Variants in NOS1AP observed in about 807,000 individuals in gnomAD.
NOS1AP encodes carboxyl-terminal PDZ ligand of neuronal nitric oxide synthase protein.
NOS1AP carries 21 observed loss-of-function variants against 56.2 expected under a neutral mutation model. The ratio of observed to expected loss-of-function variants is 0.37; its 90% CI spans 0.26 to 0.54. NOS1AP has a LOEUF of 0.54. NOS1AP is among the 20% of genes least tolerant of loss of function. The pLI is 0.84. For missense variants in NOS1AP, 522 were observed against 657.8 expected (o/e 0.79, Z 2.26); for synonymous variants, 270 against 274.6 (o/e 0.98, Z 0.17).
intron 2 of NOS1AP, among the ~76,000 whole-genome samples, chr1:162,244,324 G>A (rs1442341299): frequency 6.6e-6 from 1 of 152,068 alleles, no homozygotes; most frequent in East Asian, 1.9e-4. Flanking sequence ...ACATTCTCAA[G>A]GACTGTTCTC....
chr1:162,220,804 A>G (rs1000781687), intron 2 of NOS1AP, among the ~76,000 whole-genome samples: 1 of 152,114 alleles, frequency 6.6e-6, no homozygotes, highest in Non-Finnish European at 1.5e-5. Flanking sequence ...ACGCTCTTGG[A>G]ATCTTTGGGC....
chr1:162,099,273 C>T (rs556242970), intron 1 of NOS1AP, among the ~76,000 whole-genome samples: 48 of 151,966 alleles, frequency 3.2e-4, no homozygotes, highest in Non-Finnish European at 5.9e-4. Context: ...CTGCAAGCTC[C>T]GCCTCGCGGG....
chr1:162,160,105 T>C (rs1349527351), intron 2 of NOS1AP, among the ~76,000 whole-genome samples: 1 of 152,194 alleles, frequency 6.6e-6, no homozygotes, highest in Non-Finnish European at 1.5e-5. Flanking sequence ...GCGCTGTAGC[T>C]AGATGACACT....
At chr1:162,329,956 A>T (rs556950108) in intron 4 of NOS1AP, among the ~76,000 whole-genome samples, 1 of 152,368 alleles carries the variant, frequency 6.6e-6, no homozygotes, top group African/African-American at 2.4e-5. Flanking sequence ...CAGTGGCTGC[A>T]TCCATGTACA....
chr1:162,203,047 A>G (rs1652047712), intron 2 of NOS1AP, among the ~76,000 whole-genome samples: 1 of 152,038 alleles, frequency 6.6e-6, no homozygotes, highest in Non-Finnish European at 1.5e-5. Context: ...GCCTTGAGTT[A>G]GGGTAGTGTC....
At chr1:162,074,625 C>T (rs754522874) in intron 1 of NOS1AP, among the ~76,000 whole-genome samples, 49 of 152,296 alleles carry the variant, frequency 3.2e-4, no homozygotes, top group Admixed American at 5.2e-4. Flanking sequence ...TCAAAACAAA[C>T]GACCTCAAGA....
intron 2 of NOS1AP, among the ~76,000 whole-genome samples, chr1:162,221,530 G>GCACACACACACA (rs1225944628): frequency 1.1e-4 from 7 of 62,552 alleles, no homozygotes; most frequent in African/African-American, 2.6e-4. Context: ...GCACACACAC[G>GCACACACACACA]CGCGCACACA....
At chr1:162,178,166 T>C (rs1651127507) in intron 2 of NOS1AP, among the ~76,000 whole-genome samples, 1 of 152,244 alleles carries the variant, frequency 6.6e-6, no homozygotes, top group South Asian at 2.1e-4. Flanking sequence ...CTAGGTCTTA[T>C]TATGGCTCGA....
In NOS1AP at chr1:162,227,094, A is replaced by G. The variant is rs1051036869; in HGVS notation, c.178-60250A>G. Among the ~76,000 whole-genome samples, 31 of 152,214 alleles carry G rather than the reference A, an allele frequency of 2.0e-4. 1 individual carries two copies. The highest frequency in any genetic ancestry group is 5.9e-5 in the Non-Finnish European group (4 of 68,038). On this transcript the variant is annotated intron_variant, in intron 2 of 9. Coordinates refer to ENST00000361897, the MANE Select transcript of NOS1AP (RefSeq NM_014697.3). Reference sequence around the variant, plus strand: ...ATACATGGTTATAGAAAATGTGTTTAAAATATTTAGGCTAAAAAAATTATC... The same window carrying G: ...ATACATGGTTATAGAAAATGTGTTTGAAATATTTAGGCTAAAAAAATTATC...
intron 3 of NOS1AP, among the ~76,000 whole-genome samples, chr1:162,293,710 C>T (rs1036696525): frequency 6.6e-6 from 1 of 152,186 alleles, no homozygotes; most frequent in Non-Finnish European, 1.5e-5. Context: ...CAAAGAACTT[C>T]CTGGCAGTGG....
chr1:162,243,497 C>T (rs553534319), intron 2 of NOS1AP, among the ~76,000 whole-genome samples: 3 of 152,236 alleles, frequency 2.0e-5, no homozygotes, highest in East Asian at 3.9e-4. Flanking sequence ...CTGACCTTAT[C>T]GGAAAAGAGA....
rs545122487 is a variant in NOS1AP at position 162,184,063 on chromosome 1, A to G, written c.177+29587A>G. Among the ~76,000 whole-genome samples, 9 of 151,790 alleles carry G rather than the reference A, an allele frequency of 5.9e-5. No homozygotes were observed. The South Asian group carries it at 1.7e-3, about 28-fold the overall frequency. On this transcript the variant is annotated intron_variant, in intron 2 of 9. Transcript: ENST00000361897. ...TTTGGTTTAAAGTGAGAGAGGTAAG[A>G]CTCTCCCTTTCACTTGACCACTTTA...
At chr1:162,353,597 T>C (rs1657596026) in intron 6 of NOS1AP, among the ~76,000 whole-genome samples, 1 of 152,152 alleles carries the variant, frequency 6.6e-6, no homozygotes, top group Admixed American at 6.5e-5. Context: ...CAGAGAAACA[T>C]TTTTAGGAAA....
chr1:162,367,355 C>G lies in NOS1AP; in HGVS notation c.1409C>G (p.Thr470Arg). The G allele has an allele frequency of 6.2e-7, 1 of 1,612,452 alleles. No individual in the cohort carries two copies. The highest frequency in any genetic ancestry group is 8.5e-7 in the Non-Finnish European group (1 of 1,179,546). ...SGIASEYESN[T>R]DESEERDSWS... Reference sequence around the variant, plus strand: ...ATCGCCTCGGAGTACGAGTCCAACACGGACGAGAGCGAGGAGCGCGACTCG... The same window carrying G: ...ATCGCCTCGGAGTACGAGTCCAACAGGGACGAGAGCGAGGAGCGCGACTCG... Residue 470 changes from threonine (T) to arginine (R), a missense_variant, in exon 10 of 10, where the codon ACG becomes AGG. By Grantham distance (71) the Thr-to-Arg change is moderately conservative. Coordinates refer to ENST00000361897, the MANE Select transcript of NOS1AP (RefSeq NM_014697.3). This position sits in a 1 kb window ranked among gnomAD's most constrained non-coding sequence, Gnocchi z 6.5.
chr1:162,342,561 G>A (rs761903060), intron 5 of NOS1AP: 2 of 487,300 alleles, frequency 4.1e-6, no homozygotes, highest in Non-Finnish European at 8.6e-6. Flanking sequence ...TAATAAGAAA[G>A]ATGAGCTCAT....
intron 6 of NOS1AP, 146 bp from the exon 7 acceptor site, chr1:162,355,041 G>C: frequency 1.2e-6 from 1 of 854,996 alleles, no homozygotes; most frequent in Non-Finnish European, 1.9e-6. Flanking sequence ...GCACTTTAAC[G>C]TACTTGAGTG....
chr1:162,311,161 C>G (rs1310563551), intron 4 of NOS1AP, among the ~76,000 whole-genome samples: 1 of 152,108 alleles, frequency 6.6e-6, no homozygotes, highest in Non-Finnish European at 1.5e-5. Context: ...ACTTACTTCA[C>G]AGAAATGGCT....
intron 3 of NOS1AP, among the ~76,000 whole-genome samples, chr1:162,294,429 C>T (rs939861386): frequency 7.2e-5 from 11 of 152,130 alleles, no homozygotes; most frequent in African/African-American, 2.2e-4. Context: ...TGAACCAACA[C>T]GATGATGAAT....
chr1:162,238,123 G>A (rs149067095), intron 2 of NOS1AP, among the ~76,000 whole-genome samples: 1 of 152,076 alleles, frequency 6.6e-6, no homozygotes, highest in Admixed American at 6.6e-5. Context: ...ACAGTATGGT[G>A]CAGTGCTTTA....
Sources: allele counts gnomAD v4.1 joint callset (sites outside exome capture counted in the v4.1 genomes callset), GRCh38; gene constraint gnomAD v4.1.1; non-coding constraint Gnocchi (gnomAD v3.1); transcripts MANE v1.5; gene names NCBI Gene and HGNC (gene_info 2026-07-23, HGNC 2026-07-21).